PPP5C: variants seen among roughly 807,000 people sequenced by gnomAD.
PPP5C encodes the protein protein phosphatase 5 catalytic subunit.
Under a neutral mutation model 66.7 loss-of-function variants are expected in PPP5C, and 21 were observed. The ratio of observed to expected loss-of-function variants is 0.31; its 90% CI spans 0.22 to 0.45. PPP5C has a LOEUF of 0.45. Among genes scored for constraint, PPP5C ranks in the 20% least tolerant of loss-of-function variants. The probability of loss-of-function intolerance (pLI) is 1.00; values close to 1 mark genes in which losing one functional copy is unlikely to be tolerated. For missense variants in PPP5C, 464 were observed against 675.9 expected (o/e 0.69, Z 3.48); for synonymous variants, 246 against 257.4 (o/e 0.96, Z 0.43).
chr19:46,363,211 G>A (rs1338172010), intron 2 of PPP5C, among the ~76,000 whole-genome samples: 3 of 132,880 alleles, frequency 2.3e-5, no homozygotes, highest in East Asian at 2.6e-4. Context: ...GGGAGGCTGA[G>A]GCAGGAGAAT....
At chr19:46,368,707 AC>A (rs1314421891) in intron 2 of PPP5C, among the ~76,000 whole-genome samples, 1 of 150,520 alleles carries the variant, frequency 6.6e-6, no homozygotes, top group Non-Finnish European at 1.5e-5. Context: ...TTTACCCCTC[AC>A]CCCTCCCACT....
Position 46,390,913 on chromosome 19 carries a change from G to T in PPP5C, c.*567G>T, listed in dbSNP as rs987565127. 2.4e-4 allele frequency: 278 copies of T among 1,174,054 alleles called. 2 individuals are homozygous for T. Among genetic ancestry groups the T allele is most frequent in the Non-Finnish European group, 2.3e-5 (21 of 931,450 alleles). The allele number at this position is 1,174,054 out of a possible 1,614,324, so 72.7% of individuals were successfully genotyped here. On this transcript the variant is annotated 3_prime_UTR_variant, in exon 13 of 13. Transcript: ENST00000012443. ...CGGGTTGGGTTACGCCTGCTCAGGA[G>T]ATCCGGAGGGTGGGGAGGCCGCAAA...
At chr19:46,351,566 C>T (rs557630405) in intron 1 of PPP5C, among the ~76,000 whole-genome samples, 4 of 152,224 alleles carry the variant, frequency 2.6e-5, no homozygotes, top group Non-Finnish European at 5.9e-5. Flanking sequence ...GGTGGCAGGC[C>T]CTGAGACTCC....
At chr19:46,366,233 G>A (rs1287428387) in intron 2 of PPP5C, among the ~76,000 whole-genome samples, 1 of 152,026 alleles carries the variant, frequency 6.6e-6, no homozygotes, top group Non-Finnish European at 1.5e-5. Flanking sequence ...AAGAAACTGA[G>A]GCAAAATTAA....
At chr19:46,355,258 G>C (rs574038204) in intron 2 of PPP5C, among the ~76,000 whole-genome samples, 1 of 147,384 alleles carries the variant, frequency 6.8e-6, no homozygotes, top group East Asian at 2.0e-4. Context: ...AGTGTGTGTC[G>C]AGAGGATTGT....
At chr19:46,350,119 C>G (rs928280571) in intron 1 of PPP5C, among the ~76,000 whole-genome samples, 1 of 151,934 alleles carries the variant, frequency 6.6e-6, no homozygotes, top group Non-Finnish European at 1.5e-5. Context: ...TCTGGAGGGG[C>G]AGGACAAGAG....
intron 2 of PPP5C, 138 bp downstream of exon 2, chr19:46,354,127 G>C: frequency 1.5e-6 from 2 of 1,311,572 alleles, no homozygotes; most frequent in Non-Finnish European, 2.1e-6. Context: ...GGGGCCTTGG[G>C]CCCAGGCCAG....
At chr19:46,350,737 C>T (rs1008049149) in intron 1 of PPP5C, among the ~76,000 whole-genome samples, 5 of 144,478 alleles carry the variant, frequency 3.5e-5, no homozygotes, top group African/African-American at 1.3e-4. Context: ...ATAAAGGAAG[C>T]AAGGCTCGGA....
At chr19:46,369,520 C>T (rs962808890) in intron 2 of PPP5C, among the ~76,000 whole-genome samples, 3 of 150,502 alleles carry the variant, frequency 2.0e-5, no homozygotes, top group African/African-American at 7.3e-5. Context: ...TAGTCCTAGC[C>T]ACTCTGGGGG....
In PPP5C at chr19:46,383,756, C is replaced by G. The variant is rs1192591947; in HGVS notation, c.700-24C>G. 1 of 1,588,482 alleles carries G rather than the reference C, an allele frequency of 6.3e-7. No homozygotes were observed. Among genetic ancestry groups the G allele is most frequent in the South Asian group, 1.1e-5 (1 of 90,524 alleles). ...CACGTCTCTCTCTCGGCCCGTCCCT[C>G]TCCGGTGGCCTCTTTTCTTTCAGAC... On this transcript the variant is annotated intron_variant, in intron 5 of 12. Coordinates refer to ENST00000012443, the MANE Select transcript of PPP5C (RefSeq NM_006247.4). The surrounding 1 kb of genome is among the most constrained non-coding windows in gnomAD (Gnocchi z 5.0).
intron 4 of PPP5C, among the ~76,000 whole-genome samples, chr19:46,378,193 C>G (rs1488079710): frequency 6.6e-6 from 1 of 152,118 alleles, no homozygotes; most frequent in African/African-American, 2.4e-5. Flanking sequence ...TTTAATACGT[C>G]GTATTTTCAT....
intron 2 of PPP5C, among the ~76,000 whole-genome samples, chr19:46,355,474 G>A (rs529655708): frequency 2.6e-5 from 4 of 152,246 alleles, no homozygotes; most frequent in Admixed American, 2.6e-4. Context: ...GGCCTGGGGT[G>A]GAGGGTGGAC....
chr19:46,390,693 C>A lies in PPP5C; in HGVS notation c.*347C>A, dbSNP rs774721594. 43 of 1,203,902 alleles carry A rather than the reference C, an allele frequency of 3.6e-5. No individual in the cohort carries two copies. Among genetic ancestry groups the A allele is most frequent in the Non-Finnish European group, 4.3e-5 (41 of 954,998 alleles). The allele number at this position is 1,203,902 out of a possible 1,614,324, so 74.6% of individuals were successfully genotyped here. On this transcript the variant is annotated 3_prime_UTR_variant, in exon 13 of 13. Transcript: ENST00000012443. Reference sequence around the variant, plus strand: ...CTCCCCCACTCAAGCAATAGGGCCCCGCCATAGGAAGACCCCCAGAGAGAG... The same window carrying A: ...CTCCCCCACTCAAGCAATAGGGCCCAGCCATAGGAAGACCCCCAGAGAGAG...
At position 46,390,394 on chromosome 19, in the gene PPP5C, G is replaced by A. The variant is rs780030489; in HGVS notation, c.*48G>A. ...ATCCCAGGGCCCCTCCAATCCCACC[G>A]GACCCAGGCCCTGGGCTAGGGGCAG... On this transcript the variant is annotated 3_prime_UTR_variant, in exon 13 of 13. Coordinates refer to ENST00000012443, the MANE Select transcript of PPP5C (RefSeq NM_006247.4). 14 of 1,551,842 alleles carry A rather than the reference G, an allele frequency of 9.0e-6. No homozygotes were observed. The highest frequency in any genetic ancestry group is 8.2e-5 in the African/African-American group (6 of 73,118).
chr19:46,364,043 A>T (rs1160958292), intron 2 of PPP5C, among the ~76,000 whole-genome samples: 4 of 152,188 alleles, frequency 2.6e-5, no homozygotes, highest in Non-Finnish European at 4.4e-5. Context: ...CAGGACTTAG[A>T]GGAGCCAGTC....
In PPP5C at chr19:46,354,622, C is replaced by T. The variant is rs117119669; in HGVS notation, c.363+633C>T. Among the ~76,000 whole-genome samples, 638 of 151,992 alleles carry T rather than the reference C, an allele frequency of 4.2e-3. 5 individuals are homozygous for T. The Middle Eastern group carries it at 0.048, about 11-fold the overall frequency. ...AAGCCTGGGCCACATAGGGAGGAGA[C>T]CTCATCTCTACAAAAAATACAAAAA... On this transcript the variant is annotated intron_variant, in intron 2 of 12. Transcript: ENST00000012443.
At position 46,350,275 on chromosome 19, in the gene PPP5C, C is replaced by T. The variant is rs191890528; in HGVS notation, c.121+3058C>T. ...TTGGCAGAATAAGTGAAGTGACTAC[C>T]GGGCTTTGGGGGCTGAGGGATGGAG... is the stretch of plus-strand genomic sequence containing the variant. On this transcript the variant is annotated intron_variant, in intron 1 of 12. Coordinates refer to ENST00000012443, the MANE Select transcript of PPP5C (RefSeq NM_006247.4). 5.1e-3 allele frequency among the ~76,000 whole-genome samples: 781 copies of T among 152,224 alleles called. 4 individuals carry two copies. The highest frequency in any genetic ancestry group is 7.8e-3 in the Non-Finnish European group (533 of 68,008).
At position 46,387,077 on chromosome 19, in the gene PPP5C, T is replaced by C; in HGVS notation, c.905-16T>C. ...CCTGGAGGCTGAGCTTTCTCTTCTGTCCCCGTGTTGGCCAGGCAACCACGA... is the reference window on the plus strand; with the variant it reads ...CCTGGAGGCTGAGCTTTCTCTTCTGCCCCCGTGTTGGCCAGGCAACCACGA... On this transcript the variant is annotated splice_polypyrimidine_tract_variant and intron_variant, in intron 7 of 12. Transcript: ENST00000012443. The C allele has an allele frequency of 2.5e-6, 4 of 1,614,132 alleles. No individual in the cohort carries two copies. The highest frequency in any genetic ancestry group is 3.4e-6 in the Non-Finnish European group (4 of 1,180,028).
intron 7 of PPP5C, 112 bp from the exon 8 acceptor site, chr19:46,386,981 G>C (rs988195116): frequency 6.8e-7 from 1 of 1,480,838 alleles, no homozygotes; most frequent in Admixed American, 1.9e-5. Context: ...GCAAGTGCGA[G>C]GCCCATGGGG....
Sources: allele counts gnomAD v4.1 joint callset (sites outside exome capture counted in the v4.1 genomes callset), GRCh38; gene constraint gnomAD v4.1.1; non-coding constraint Gnocchi (gnomAD v3.1); transcripts MANE v1.5; gene names NCBI Gene and HGNC (gene_info 2026-07-23, HGNC 2026-07-21).